The following PRKG1 variants were observed in gnomAD, a reference collection of about 807,000 sequenced individuals.
PRKG1 encodes the protein cGMP-dependent protein kinase 1.
Under a neutral mutation model 88.1 loss-of-function variants are expected in PRKG1, and 35 were observed. That is an observed-to-expected ratio of 0.40 (90% confidence interval 0.30 to 0.53). The LOEUF (loss-of-function observed/expected upper bound fraction) is 0.53. PRKG1 is among the 20% of genes least tolerant of loss of function. The probability of loss-of-function intolerance (pLI) is 0.59; values close to 1 mark genes in which losing one functional copy is unlikely to be tolerated. For synonymous variants in PRKG1, 303 were observed against 292.5 expected, an observed-to-expected ratio of 1.04 and a Z score of -0.37; for missense variants, 540 against 839.8, an observed-to-expected ratio of 0.64 and a Z score of 4.41.
chr10:51,779,707 C>T (rs1838536403), intron 3 of PRKG1, among the ~76,000 whole-genome samples: 1 of 152,122 alleles, frequency 6.6e-6, no homozygotes, highest in African/African-American at 2.4e-5. Flanking sequence ...CTAATGACTT[C>T]TCAGCTGTCT....
intron 7 of PRKG1, among the ~76,000 whole-genome samples, chr10:52,067,018 A>T (rs950657783): frequency 2.0e-5 from 3 of 152,028 alleles, no homozygotes; most frequent in African/African-American, 7.2e-5. Flanking sequence ...GGTTTTTTTA[A>T]TCTTTTGTTT....
At chr10:51,718,137 A>G (rs1029563665) in intron 3 of PRKG1, among the ~76,000 whole-genome samples, 1 of 152,198 alleles carries the variant, frequency 6.6e-6, no homozygotes, top group Non-Finnish European at 1.5e-5. Context: ...GGGAAAAACA[A>G]CAAATTGATA....
chr10:51,850,512 T>C (rs927638490), intron 4 of PRKG1, among the ~76,000 whole-genome samples: 22 of 151,802 alleles, frequency 1.4e-4, no homozygotes, highest in African/African-American at 5.1e-4. Flanking sequence ...TATGTATATG[T>C]ATATGTATAT....
At chr10:51,890,606 A>C (rs1401852037) in intron 4 of PRKG1, among the ~76,000 whole-genome samples, 1 of 152,234 alleles carries the variant, frequency 6.6e-6, no homozygotes, top group Non-Finnish European at 1.5e-5. Context: ...GAAGGTAAAC[A>C]ATTAGAAGTT....
At chr10:52,068,932 G>A (rs1325835554) in intron 7 of PRKG1, among the ~76,000 whole-genome samples, 1 of 130,594 alleles carries the variant, frequency 7.7e-6, no homozygotes, top group Non-Finnish European at 1.8e-5. Context: ...AATGCCAAGT[G>A]CAGCCCTGAG....
chr10:52,062,666 G>A, intron 7 of PRKG1, 35 bp downstream of exon 7: 1 of 1,489,750 alleles, frequency 6.7e-7, no homozygotes, highest in Non-Finnish European at 9.2e-7. Flanking sequence ...GTTTTTGTTT[G>A]AGTGCTACAT....
intron 2 of PRKG1, among the ~76,000 whole-genome samples, chr10:51,202,543 C>T (rs909846067): frequency 1.3e-5 from 2 of 152,108 alleles, no homozygotes; most frequent in South Asian, 4.1e-4. Context: ...GATATACACA[C>T]ACACAAAAAA....
chr10:51,835,412 T>C (rs1840107795), intron 4 of PRKG1, among the ~76,000 whole-genome samples: 1 of 152,200 alleles, frequency 6.6e-6, no homozygotes, highest in African/African-American at 2.4e-5. Flanking sequence ...CTTTGCATGT[T>C]GTGAACTGAC....
At chr10:52,163,809 G>A (rs1162767294) in intron 9 of PRKG1, among the ~76,000 whole-genome samples, 1 of 152,096 alleles carries the variant, frequency 6.6e-6, no homozygotes, top group African/African-American at 2.4e-5. Context: ...ATGAAATTCA[G>A]ATATTCAGAC....
intron 2 of PRKG1, among the ~76,000 whole-genome samples, chr10:51,362,779 GC>G (rs907788774): frequency 2.0e-5 from 3 of 151,482 alleles, no homozygotes; most frequent in African/African-American, 7.3e-5. Flanking sequence ...CCCTCCCCTA[GC>G]CCCCAACCCC....
chr10:51,683,711 G>A (rs1031988059), intron 3 of PRKG1, among the ~76,000 whole-genome samples: 2 of 152,130 alleles, frequency 1.3e-5, no homozygotes, highest in Non-Finnish European at 2.9e-5. Context: ...GCCATGCAGT[G>A]TTCACTTCTT....
chr10:51,306,714 A>C (rs1841048068), intron 2 of PRKG1: 1 of 152,192 alleles, frequency 6.6e-6, no homozygotes, highest in African/African-American at 2.4e-5. Flanking sequence ...AGGATTCACG[A>C]CCAACTCATC....
rs147444862 is a variant in PRKG1, at chr10:50,998,712, C to A, written c.266+7068C>A. On this transcript the variant is annotated intron_variant, in intron 1 of 17. Transcript: ENST00000401604. ...GCAGTGAGCCAAGATCGTGCCCCTG[C>A]ACTCCAGCCTAGGCGACAAAATGAC... Among the ~76,000 whole-genome samples the A allele has an allele frequency of 2.1e-3, 324 of 152,068 alleles. 1 individual carries two copies. Among genetic ancestry groups the A allele is most frequent in the African/African-American group, 7.6e-3 (317 of 41,448 alleles).
chr10:51,318,576 G>A (rs1841379013), intron 2 of PRKG1, among the ~76,000 whole-genome samples: 1 of 152,120 alleles, frequency 6.6e-6, no homozygotes, highest in Non-Finnish European at 1.5e-5. Context: ...GGTGGAGTCG[G>A]GTAAGGAGTC....
chr10:52,171,436 A>C (rs1441933721), intron 9 of PRKG1, among the ~76,000 whole-genome samples: 2 of 152,072 alleles, frequency 1.3e-5, no homozygotes. Context: ...AGGCAGCCCC[A>C]TTTTCTCAGC....
chr10:51,553,736 T>C (rs1286027633), intron 3 of PRKG1, among the ~76,000 whole-genome samples: 1 of 138,468 alleles, frequency 7.2e-6, no homozygotes, highest in African/African-American at 2.5e-5. Context: ...TAGATACGTG[T>C]ATATAATATA....
At position 51,609,678 on chromosome 10, in the gene PRKG1, G is replaced by A. The variant is rs983767541; in HGVS notation, c.592+141842G>A. On this transcript the variant is annotated intron_variant, in intron 3 of 17. Transcript: ENST00000373980. ...CAGCCATAAAAAGGAATGAGGTCAT[G>A]TTCTTTGCAGGGACATGGTTGAAGA... Among the ~76,000 whole-genome samples the A allele has an allele frequency of 3.9e-5, 6 of 152,184 alleles. 1 individual carries two copies. The highest frequency in any genetic ancestry group is 8.8e-5 in the Non-Finnish European group (6 of 68,022).
intron 9 of PRKG1, among the ~76,000 whole-genome samples, chr10:52,193,316 G>T (rs1025923280): frequency 6.6e-6 from 1 of 151,914 alleles, no homozygotes; most frequent in Non-Finnish European, 1.5e-5. Flanking sequence ...AAGCAGAGAC[G>T]GGTGGATCAC....
chr10:51,880,674 G>C (rs968432088), intron 4 of PRKG1, among the ~76,000 whole-genome samples: 1 of 152,140 alleles, frequency 6.6e-6, no homozygotes, highest in African/African-American at 2.4e-5. Flanking sequence ...TCATATCCTG[G>C]ATTTAAAATG....
Sources: allele counts gnomAD v4.1 joint callset (sites outside exome capture counted in the v4.1 genomes callset), GRCh38; gene constraint gnomAD v4.1.1; transcripts MANE v1.5; gene names NCBI Gene and HGNC (gene_info 2026-07-23, HGNC 2026-07-21).